Variants in CCDC171 observed in about 807,000 individuals in gnomAD.
CCDC171 encodes the protein coiled-coil domain-containing protein 171.
A neutral mutation model predicts 168.2 loss-of-function variants in CCDC171; 177 were observed. The ratio of observed to expected loss-of-function variants is 1.05; its 90% CI spans 0.93 to 1.19. The LOEUF (loss-of-function observed/expected upper bound fraction) is 1.19. Among genes scored for constraint, CCDC171 ranks in the 50% most tolerant of loss-of-function variants. CCDC171 has a pLI of 0.00. For missense variants in CCDC171, 1,991 were observed against 1,539.0 expected (o/e 1.29, Z -4.91); for synonymous variants, 687 against 540.8 (o/e 1.27, Z -3.75).
chr9:15,583,155 G>A (rs1045113430), intron 4 of CCDC171, among the ~76,000 whole-genome samples: 11 of 152,100 alleles, frequency 7.2e-5, no homozygotes, highest in Non-Finnish European at 1.2e-4. Context: ...GGTGGCTCAC[G>A]CCTGTAATCC....
At chr9:15,701,504 CTCTTATTTT>C (rs2051732082) in intron 11 of CCDC171, among the ~76,000 whole-genome samples, 1 of 151,360 alleles carries the variant, frequency 6.6e-6, no homozygotes, top group Non-Finnish European at 1.5e-5. Flanking sequence ...CGTCAGTTGA[CTCTTATTTT>C]CATGAAAGAA....
intron 24 of CCDC171, among the ~76,000 whole-genome samples, chr9:15,914,298 T>C (rs1291897815): frequency 6.6e-6 from 1 of 152,172 alleles, no homozygotes; most frequent in African/African-American, 2.4e-5. Flanking sequence ...GTTTTATCTA[T>C]AAGCCCCTCA....
At chr9:15,986,088 A>T (rs1285097744) in intron 3 of CCDC171, among the ~76,000 whole-genome samples, 1 of 152,246 alleles carries the variant, frequency 6.6e-6, no homozygotes, top group Admixed American at 6.5e-5. Context: ...CTTAGGAAAT[A>T]AAAGGGGCTG....
chr9:15,578,238 CTTTA>C (rs1439630662), intron 3 of CCDC171, among the ~76,000 whole-genome samples: 1 of 148,228 alleles, frequency 6.7e-6, no homozygotes, highest in Non-Finnish European at 1.5e-5. Flanking sequence ...ATTTTCTTTT[CTTTA>C]TTTTTTTTTT....
At position 15,720,386 on chromosome 9, in the gene CCDC171, A is replaced by C. The variant is rs377620157; in HGVS notation, c.1319-1383A>C. On this transcript the variant is annotated intron_variant, in intron 11 of 25. Transcript: ENST00000380701. ...TTTCTCTTATTAAACCTTAAATTCTATAAAGACAGAGGCTATACCTTTCTT... is the reference window on the plus strand; with the variant it reads ...TTTCTCTTATTAAACCTTAAATTCTCTAAAGACAGAGGCTATACCTTTCTT... 3.9e-5 allele frequency among the ~76,000 whole-genome samples: 6 copies of C among 152,304 alleles called. No individual in the cohort carries two copies. The East Asian group carries it at 7.7e-4, about 20-fold the overall frequency.
At position 15,920,431 on chromosome 9, in the gene CCDC171, T is replaced by A; in HGVS notation, c.3753+9T>A. 2 of 1,580,944 alleles carry A rather than the reference T, an allele frequency of 1.3e-6. No individual in the cohort carries two copies. Among genetic ancestry groups the A allele is most frequent in the Non-Finnish European group, 1.7e-6 (2 of 1,159,576 alleles). On this transcript the variant is annotated intron_variant, in intron 25 of 25. Coordinates refer to ENST00000380701, the MANE Select transcript of CCDC171 (RefSeq NM_173550.4). ...ATGCAAGTTTACAATCAGTAAGTCC[T>A]TGTCTAACAATATTTTTATAACTTT...
intron 20 of CCDC171, among the ~76,000 whole-genome samples, chr9:15,779,769 A>G (rs2135423920): frequency 6.6e-6 from 1 of 152,352 alleles, no homozygotes; most frequent in Non-Finnish European, 1.5e-5. Flanking sequence ...AATGACTTAT[A>G]TGTATTATTT....
chr9:15,603,025 A>G (rs938746870), intron 6 of CCDC171, among the ~76,000 whole-genome samples: 6 of 151,892 alleles, frequency 4.0e-5, no homozygotes. Context: ...TCTGTCACCC[A>G]GATTGGAGTG....
chr9:16,030,608 A>G (rs1328279), intron 6 of CCDC171, among the ~76,000 whole-genome samples: 56,360 of 152,084 alleles, frequency 0.37, 12,283 homozygotes, highest in East Asian at 0.63. Flanking sequence ...ACATCTGTCT[A>G]GTACTGCTTC....
chr9:15,871,790 C>T (rs1465976673), intron 23 of CCDC171, among the ~76,000 whole-genome samples: 3 of 151,826 alleles, frequency 2.0e-5, no homozygotes, highest in Non-Finnish European at 2.9e-5. Flanking sequence ...TTCCTTCTAC[C>T]CTTTATTTCT....
intron 21 of CCDC171, among the ~76,000 whole-genome samples, chr9:15,823,046 G>C (rs548718128): frequency 5.5e-4 from 83 of 152,254 alleles, no homozygotes; most frequent in African/African-American, 1.9e-3. Context: ...GGACATGGAT[G>C]AAGCTGGAAA....
chr9:16,021,642 T>G (rs1833166267), intron 4 of CCDC171, among the ~76,000 whole-genome samples: 1 of 152,162 alleles, frequency 6.6e-6, no homozygotes, highest in Admixed American at 6.5e-5. Context: ...TCTCATAAAT[T>G]TGTAGTGGTT....
rs115274286 is a variant in CCDC171, at chr9:15,878,807, C to G, written c.3600+4144C>G. Among the ~76,000 whole-genome samples, 1,177 of 152,096 alleles carry G rather than the reference C, an allele frequency of 7.7e-3. 14 individuals are homozygous for G. The highest frequency in any genetic ancestry group is 0.027 in the African/African-American group (1,115 of 41,480). ...GAATACTATACAACCATAAAAAGAA[C>G]GAGATCATGTTTTTTGTGGGAACAT... On this transcript the variant is annotated intron_variant, in intron 24 of 25. Transcript: ENST00000380701.
intron 25 of CCDC171, among the ~76,000 whole-genome samples, chr9:15,968,344 C>G (rs1283657318): frequency 6.6e-6 from 1 of 152,114 alleles, no homozygotes; most frequent in Non-Finnish European, 1.5e-5. Flanking sequence ...GGGTGGTGAA[C>G]ACTAACTTTT....
intron 3 of CCDC171, among the ~76,000 whole-genome samples, chr9:15,992,220 A>T (rs925669150): frequency 6.6e-6 from 1 of 152,212 alleles, no homozygotes; most frequent in African/African-American, 2.4e-5. Flanking sequence ...CAGGTCAAAA[A>T]GCTTATCCAC....
upstream of CCDC171, among the ~76,000 whole-genome samples, chr9:16,039,534 A>G (rs1363259626): frequency 1.3e-5 from 2 of 152,190 alleles, no homozygotes; most frequent in African/African-American, 4.8e-5. Flanking sequence ...TCCTCACGGA[A>G]CAGTCTAATT....
At chr9:15,595,670 G>C (rs975624228) in intron 6 of CCDC171, among the ~76,000 whole-genome samples, 1 of 152,094 alleles carries the variant, frequency 6.6e-6, no homozygotes, top group Non-Finnish European at 1.5e-5. Flanking sequence ...CCCAGTAATG[G>C]GATGGCTGGG....
chr9:15,590,129 T>C (rs1418361443), intron 4 of CCDC171, among the ~76,000 whole-genome samples: 1 of 152,200 alleles, frequency 6.6e-6, no homozygotes, highest in Non-Finnish European at 1.5e-5. Context: ...GGAGTCAAAA[T>C]GGCCTCAAAC....
intron 18 of CCDC171, among the ~76,000 whole-genome samples, chr9:15,760,312 A>G (rs2056374658): frequency 6.6e-6 from 1 of 152,170 alleles, no homozygotes; most frequent in Non-Finnish European, 1.5e-5. Flanking sequence ...AAAAACATTC[A>G]GTCTTTTTAA....
Sources: allele counts gnomAD v4.1 joint callset (sites outside exome capture counted in the v4.1 genomes callset), GRCh38; gene constraint gnomAD v4.1.1; transcripts MANE v1.5; gene names NCBI Gene and HGNC (gene_info 2026-07-23, HGNC 2026-07-21).